The following DNAH3 variants were observed in gnomAD, a reference collection of about 807,000 sequenced individuals.
DNAH3 encodes axonemal beta dynein heavy chain 3.
In DNAH3, 332 loss-of-function variants were observed where a neutral mutation model predicts 432.5. The ratio of observed to expected loss-of-function variants is 0.77; its 90% CI spans 0.70 to 0.84. The LOEUF (loss-of-function observed/expected upper bound fraction) is 0.84. Among genes scored for constraint, DNAH3 ranks in the 40% least tolerant of loss-of-function variants. The pLI is 0.00. For synonymous variants in DNAH3, 1,956 were observed against 1,900.2 expected (o/e 1.03, Z -0.76); for missense variants, 4,861 against 5,114.0 (o/e 0.95, Z 1.51).
intron 44 of DNAH3, among the ~76,000 whole-genome samples, chr16:20,991,994 C>G (rs2086578742): frequency 6.6e-6 from 1 of 152,134 alleles, no homozygotes; most frequent in African/African-American, 2.4e-5. Context: ...CCTCATCAAC[C>G]ACTATTTGGT....
chr16:20,949,407 TTC>T (rs2152574540), intron 56 of DNAH3, among the ~76,000 whole-genome samples: 1 of 152,024 alleles, frequency 6.6e-6, no homozygotes, highest in African/African-American at 2.4e-5. Flanking sequence ...AGAGACCACA[TTC>T]ATATAACTTT....
intron 39 of DNAH3, among the ~76,000 whole-genome samples, chr16:21,023,784 GGGGTGTGTGTGTGT>G (rs899197246): frequency 9.1e-6 from 1 of 110,084 alleles, no homozygotes; most frequent in African/African-American, 4.7e-5. Flanking sequence ...GGCAGCTTTT[GGGGTGTGTGTGTGT>G]GTGTGTGTGT....
At chr16:21,083,831 G>C (rs1413006816) in intron 19 of DNAH3, among the ~76,000 whole-genome samples, 2 of 152,158 alleles carry the variant, frequency 1.3e-5, no homozygotes, top group Non-Finnish European at 2.9e-5. Flanking sequence ...ATACACTGCA[G>C]GGAGGAATGG....
chr16:21,066,744 A>G lies in DNAH3; in HGVS notation c.3518+539T>C, dbSNP rs532260290. On this transcript the variant is annotated intron_variant, in intron 24 of 61. Transcript: ENST00000261383. Reference sequence around the variant, plus strand: ...TGTGGAAAAAAAGAGTCAAATATGTATAAGCATACCTATCAGAAACTACAA... The same window carrying G: ...TGTGGAAAAAAAGAGTCAAATATGTGTAAGCATACCTATCAGAAACTACAA... Among the ~76,000 whole-genome samples, 4 of 152,336 alleles carry G rather than the reference A, an allele frequency of 2.6e-5. No individual in the cohort carries two copies. In the South Asian group the frequency reaches 8.3e-4, roughly 32 times the overall value.
chr16:20,987,548 CTAGA>C (rs2086258149), intron 46 of DNAH3, 100 bp from the exon 47 acceptor site: 1 of 1,548,814 alleles, frequency 6.5e-7, no homozygotes, highest in African/African-American at 1.4e-5. Context: ...GAGGATTGAA[CTAGA>C]TAATGTTTAT....
At chr16:20,944,433 T>C (rs2083952051) in intron 58 of DNAH3, 63 bp downstream of exon 58, 1 of 1,572,208 alleles carries the variant, frequency 6.4e-7, no homozygotes, top group Admixed American at 1.7e-5. Context: ...CAATCCTGTG[T>C]GCCCACTGGA....
intron 6 of DNAH3, among the ~76,000 whole-genome samples, chr16:21,135,222 C>A (rs2092625792): frequency 6.6e-6 from 1 of 152,128 alleles, no homozygotes; most frequent in East Asian, 1.9e-4. Flanking sequence ...TTGCTGATAA[C>A]TCATTAGTCA....
intron 1 of DNAH3, among the ~76,000 whole-genome samples, chr16:21,149,973 C>G (rs538608275): frequency 1.3e-5 from 2 of 152,248 alleles, no homozygotes; most frequent in South Asian, 4.1e-4. Flanking sequence ...CACCTGTAAT[C>G]CCAGCACTTT....
intron 60 of DNAH3, 111 bp from the exon 61 acceptor site, chr16:20,935,596 A>G: frequency 8.2e-7 from 1 of 1,215,048 alleles, no homozygotes; most frequent in Non-Finnish European, 1.1e-6. Context: ...ATTTTTCTTG[A>G]AACAGCCCTC....
At position 20,969,800 on chromosome 16, in the gene DNAH3, C is replaced by CT; in HGVS notation, c.8449dup (p.Ser2817LysfsTer5). Reference sequence around the variant, plus strand: ...GGTGGGGTGGCACTTACCGGAGCCACTGGGGTCTGGCTTCCTCTCTGGCTT... The same window carrying CT: ...GGTGGGGTGGCACTTACCGGAGCCACTTGGGGTCTGGCTTCCTCTCTGGCTT... On this transcript the variant is annotated frameshift_variant, in exon 52 of 62. Transcript: ENST00000261383. LOFTEE classifies it high-confidence loss of function. The CT allele has an allele frequency of 6.2e-7, 1 of 1,614,150 alleles. No homozygotes were observed. Among genetic ancestry groups the CT allele is most frequent in the Non-Finnish European group, 8.5e-7 (1 of 1,180,040 alleles).
chr16:21,019,331 T>C (rs2088028616), intron 41 of DNAH3: 1 of 361,442 alleles, frequency 2.8e-6, no homozygotes, highest in African/African-American at 2.1e-5. Flanking sequence ...TAATTTTGTT[T>C]GTATTTTTAA....
intron 44 of DNAH3, among the ~76,000 whole-genome samples, chr16:20,989,047 G>A (rs894939264): frequency 1.3e-5 from 2 of 152,224 alleles, no homozygotes; most frequent in Non-Finnish European, 2.9e-5. Context: ...GTGAGCACCA[G>A]TAAGATTTAC....
rs753598796 is a variant in DNAH3 at position 20,963,276 on chromosome 16, G to T, written c.10600+8C>A. Reference sequence around the variant, plus strand: ...TTCCACGTCTCTCCCACAACACTCTGTTCTTACCTGCCATTGGGTCTGCAC... The same window carrying T: ...TTCCACGTCTCTCCCACAACACTCTTTTCTTACCTGCCATTGGGTCTGCAC... On this transcript the variant is annotated splice_region_variant and intron_variant, in intron 53 of 61. Transcript: ENST00000261383. 3.1e-6 allele frequency: 5 copies of T among 1,611,478 alleles called. No homozygotes were observed. The East Asian group carries it at 1.1e-4, about 36-fold the overall frequency.
At chr16:20,953,530 CA>C (rs1034824160) in intron 55 of DNAH3, among the ~76,000 whole-genome samples, 22 of 151,774 alleles carry the variant, frequency 1.4e-4, no homozygotes, top group African/African-American at 5.1e-4. Context: ...ATTCGTGTGC[CA>C]GCAAACGAAG....
Position 21,031,281 on chromosome 16 carries a change from G to A in DNAH3, c.5203C>T (p.Gln1735Ter), listed in dbSNP as rs867392136. 5.6e-6 allele frequency: 9 copies of A among 1,614,048 alleles called. 1 individual carries two copies. The African/African-American group carries it at 1.2e-4, about 22-fold the overall frequency. The change falls in exon 37 of 62, where the codon CAG (glutamine) becomes TAG (stop). Residue 1735 changes from glutamine (Q) to a stop codon, truncating the protein, a stop_gained. Coordinates refer to ENST00000261383, the Ensembl canonical transcript of DNAH3. LOFTEE classifies it high-confidence loss of function. ...TACTCCACAGCAAACTCCTCCATCT[G>A]ATTGGCTGGGCAAGAAGGTTCAACA...
At chr16:20,991,924 T>C (rs904154687) in intron 44 of DNAH3, among the ~76,000 whole-genome samples, 3 of 152,222 alleles carry the variant, frequency 2.0e-5, no homozygotes, top group Non-Finnish European at 4.4e-5. Flanking sequence ...TGCAAAGTGG[T>C]AATATTCTGA....
chr16:21,009,017 G>A (rs1285422044), intron 41 of DNAH3, among the ~76,000 whole-genome samples: 1 of 152,194 alleles, frequency 6.6e-6, no homozygotes, highest in East Asian at 1.9e-4. Context: ...CTTTTAGAAA[G>A]CAATCTGGCA....
At chr16:21,062,841 G>T in intron 24 of DNAH3, 158 bp from the exon 25 acceptor site, 1 of 619,342 alleles carries the variant, frequency 1.6e-6, no homozygotes, top group Non-Finnish European at 2.8e-6. Context: ...TTTCATCTGG[G>T]GCATGGAAGG....
intron 32 of DNAH3, among the ~76,000 whole-genome samples, chr16:21,040,358 ATTTTTTTTTTT>A (rs55797285): frequency 1.3e-4 from 10 of 79,712 alleles, no homozygotes; most frequent in Admixed American, 6.0e-4. Context: ...AGCCAGACAG[ATTTTTTTTTTT>A]TTTTTTTTTT....
Sources: allele counts gnomAD v4.1 joint callset (sites outside exome capture counted in the v4.1 genomes callset), GRCh38; gene constraint gnomAD v4.1.1; transcripts MANE v1.5; gene names NCBI Gene and HGNC (gene_info 2026-07-23, HGNC 2026-07-21).